GAMT: variants seen among roughly 807,000 people sequenced by gnomAD.
GAMT encodes the protein epididymis secretory protein Li 20.
In GAMT, 26 loss-of-function variants were observed where a neutral mutation model predicts 26.9. The ratio of observed to expected loss-of-function variants is 0.97; its 90% confidence interval spans 0.71 to 1.34. The LOEUF (loss-of-function observed/expected upper bound fraction) is 1.34, where lower values mean the gene tolerates loss of function less well. GAMT is among the 40% of genes most tolerant of loss of function. The pLI is 0.00. For missense variants in GAMT, 412 were observed against 345.0 expected (o/e 1.19, Z -1.54); for synonymous variants, 169 against 149.6 (o/e 1.13, Z -0.95).
In GAMT at chr19:1,399,177, T is replaced by G. The variant is rs1131691930; in HGVS notation, c.410A>C (p.Tyr137Ser). Residue 137 changes from tyrosine to serine, a missense_variant, in exon 4 of 6, where the codon TAC (tyrosine) becomes TCC (serine). Tyr to Ser is a moderately radical substitution (Grantham distance 144). Coordinates refer to ENST00000252288, the MANE Select transcript of GAMT (RefSeq NM_000156.6). This position sits in a 1 kb window ranked among gnomAD's most constrained non-coding sequence, Gnocchi z 6.2. ...GHFDGILYDT[Y>S]PLSEETWHTH... ...GTGCCAGGTCTCCTCCGAGAGTGGG[T>G]ACGTGTCGTACAGGATCCCTGCACG... 4 of 1,613,322 alleles carry G rather than the reference T, an allele frequency of 2.5e-6. No homozygotes were observed. The highest frequency in any genetic ancestry group is 1.3e-5 in the African/African-American group (1 of 74,840).
chr19:1,399,315 G>A lies in GAMT; in HGVS notation c.392-120C>T, dbSNP rs181832825. The A allele has an allele frequency of 5.0e-6, 6 of 1,210,148 alleles. No individual in the cohort carries two copies. The highest frequency in any genetic ancestry group is 3.0e-5 in the African/African-American group (2 of 66,792). The allele number at this position is 1,210,148 out of a possible 1,614,324, so 75.0% of individuals were successfully genotyped here. ...AGACGGGGCCGTGGGTAGAGGTGGG[G>A]CTCCCACACAGGCTTGAGAACCCCG... On this transcript the variant is annotated intron_variant, in intron 3 of 5. Transcript: ENST00000252288. The surrounding 1 kb of genome is among the most constrained non-coding windows in gnomAD (Gnocchi z 6.2).
In GAMT at chr19:1,401,459, C is replaced by T; in HGVS notation, c.18G>A (p.Ala6=). 1 of 1,389,286 alleles carries T rather than the reference C, an allele frequency of 7.2e-7. No individual in the cohort carries two copies. Among genetic ancestry groups the T allele is most frequent in the Non-Finnish European group, 9.3e-7 (1 of 1,070,952 alleles). The allele number at this position is 1,389,286 out of a possible 1,614,324, so 86.1% of individuals were successfully genotyped here. Residue 6 remains alanine, a synonymous_variant, in exon 1 of 6, where the codon GCG becomes GCA. Coordinates refer to ENST00000252288, the MANE Select transcript of GAMT (RefSeq NM_000156.6). MSAPS[A]TPIFAPGENC... ...TCTCGCCGGGCGCGAAGATGGGGGTCGCGCTGGGGGCGCTCATGCTGCAGG... is the reference window on the plus strand; with the variant it reads ...TCTCGCCGGGCGCGAAGATGGGGGTTGCGCTGGGGGCGCTCATGCTGCAGG...
chr19:1,397,972 A>G, intron 5 of GAMT: 5 of 1,039,228 alleles, frequency 4.8e-6, no homozygotes, highest in Non-Finnish European at 4.6e-6. Flanking sequence ...GCACTGCTGA[A>G]CCAGCAAAGA....
chr19:1,398,744 G>A, intron 5 of GAMT, 172 bp downstream of exon 5: 2 of 1,546,410 alleles, frequency 1.3e-6, no homozygotes, highest in African/African-American at 1.4e-5. Flanking sequence ...GCTCCTGGCA[G>A]CCACTGCGCC....
At chr19:1,397,871 C>T in intron 5 of GAMT, 19 of 1,134,282 alleles carry the variant, frequency 1.7e-5, no homozygotes, top group Non-Finnish European at 2.1e-5. Context: ...CACAGGCACC[C>T]AGCCGGCTCT....
chr19:1,397,616 C>G, intron 5 of GAMT, 117 bp from the exon 6 acceptor site: 1 of 1,497,904 alleles, frequency 6.7e-7, no homozygotes, highest in Non-Finnish European at 9.1e-7. Context: ...GCGGCTGCAG[C>G]TCCCGTGGGC....
chr19:1,400,133 A>G (rs997762341), intron 1 of GAMT, among the ~76,000 whole-genome samples, 195 bp from the exon 2 acceptor site: 1 of 49,904 alleles, frequency 2.0e-5, no homozygotes, highest in Admixed American at 2.2e-4. Flanking sequence ...GTGTGGGGCA[A>G]TGCTGGGGAG....
chr19:1,398,988 G>C lies in GAMT; in HGVS notation c.498C>G (p.Leu166=). Residue 166 remains leucine (L), a synonymous_variant, in exon 5 of 6, where the codon CTC becomes CTG. Transcript: ENST00000252288. ...AFRLLKPGGV[L]TYCNLTSWGE... ...CCCAGGAGGTGAGGTTGCAGTAGGT[G>C]AGGACGCCCCCCGGCTTCAGCAGGC... is the stretch of plus-strand genomic sequence containing the variant. 6.2e-7 allele frequency: 1 copy of C among 1,613,508 alleles called. No homozygotes were observed. The highest frequency in any genetic ancestry group is 8.5e-7 in the Non-Finnish European group (1 of 1,180,024).
rs1159169641 is a variant in GAMT, at chr19:1,399,389, G to A, written c.391+135C>T. ...TGAGCATGCCCATCCCCGGTGCTCC[G>A]CCATCCCACAGCCAGGCCCACACCC... On this transcript the variant is annotated intron_variant, in intron 3 of 5. Transcript: ENST00000252288. This position sits in a 1 kb window ranked among gnomAD's most constrained non-coding sequence, Gnocchi z 6.2. 7 of 1,038,894 alleles carry A rather than the reference G, an allele frequency of 6.7e-6. No homozygotes were observed. Among genetic ancestry groups the A allele is most frequent in the Non-Finnish European group, 8.7e-6 (6 of 689,564 alleles). 64.4% of individuals were successfully genotyped at this position (1,038,894 alleles called of 1,614,324 possible). A position where few individuals can be genotyped will look rare whatever the true frequency, so the allele number is the denominator to read the frequency against.
chr19:1,397,368 G>C lies in GAMT; in HGVS notation c.702C>G (p.Thr234=), dbSNP rs1375010161. Residue 234 remains threonine (T), a synonymous_variant, in exon 6 of 6, where the codon ACC becomes ACG. Coordinates refer to ENST00000252288, the MANE Select transcript of GAMT (RefSeq NM_000156.6). The stretch of plus-strand genomic sequence containing the variant: ...GGGCCGGGGTGGGGGCTCAGCCTTT[G>C]GTCACCAGGGGCGTGATCATCTGTG... ...AFPQMITPLV[T]KG The C allele has an allele frequency of 2.5e-6, 4 of 1,611,492 alleles. No homozygotes were observed. Among genetic ancestry groups the C allele is most frequent in the African/African-American group, 1.3e-5 (1 of 74,908 alleles).
At chr19:1,397,629 G>A (rs2082608470) in intron 5 of GAMT, 130 bp from the exon 6 acceptor site, 12 of 1,454,364 alleles carry the variant, frequency 8.3e-6, no homozygotes, top group African/African-American at 1.4e-5. Flanking sequence ...CCGTGGGCAC[G>A]TGGCAGGGCA....
At position 1,399,185 on chromosome 19, in the gene GAMT, G is replaced by A. The variant is rs556829801; in HGVS notation, c.402C>T (p.Tyr134=). The A allele has an allele frequency of 1.9e-5, 31 of 1,613,606 alleles. No individual in the cohort carries two copies. The highest frequency in any genetic ancestry group is 3.3e-4 in the Middle Eastern group (2 of 6,062). Residue 134 remains tyrosine, a synonymous_variant, in exon 4 of 6, where the codon TAC becomes TAT. Transcript: ENST00000252288. This position sits in a 1 kb window ranked among gnomAD's most constrained non-coding sequence, Gnocchi z 6.2. Reference sequence around the variant, plus strand: ...TCTCCTCCGAGAGTGGGTACGTGTCGTACAGGATCCCTGCACGGAGAACAG... The same window carrying A: ...TCTCCTCCGAGAGTGGGTACGTGTCATACAGGATCCCTGCACGGAGAACAG... ...LPDGHFDGIL[Y]DTYPLSEETW...
Position 1,397,165 on chromosome 19 carries a change from A to T in GAMT, c.*194T>A. 2 of 674,652 alleles carry T rather than the reference A, an allele frequency of 3.0e-6. No homozygotes were observed. The highest frequency in any genetic ancestry group is 1.9e-5 in the South Asian group (1 of 52,650). 41.8% of individuals were successfully genotyped at this position (674,652 alleles called of 1,614,324 possible). A position where few individuals can be genotyped will look rare whatever the true frequency, so the allele number is the denominator to read the frequency against. Reference sequence around the variant, plus strand: ...CCTGCAGTGGGCAGCAGTGACCCTCACAGAGAAGCTGGGAAAGCTGCTGGT... The same window carrying T: ...CCTGCAGTGGGCAGCAGTGACCCTCTCAGAGAAGCTGGGAAAGCTGCTGGT... On this transcript the variant is annotated 3_prime_UTR_variant, in exon 6 of 6. Coordinates refer to ENST00000252288, the MANE Select transcript of GAMT (RefSeq NM_000156.6).
chr19:1,399,679 G>A lies in GAMT; in HGVS notation c.328-92C>T, dbSNP rs539506510. 23 of 1,522,792 alleles carry A rather than the reference G, an allele frequency of 1.5e-5. No individual in the cohort carries two copies. Among genetic ancestry groups the A allele is most frequent in the African/African-American group, 8.2e-5 (6 of 72,762 alleles). 94.3% of individuals were successfully genotyped at this position (1,522,792 alleles called of 1,614,324 possible). ...AAAGGGAGCGGCCAGGGGGACTCCC[G>A]AGAGAGAAGACCACCTCCTCCACCT... On this transcript the variant is annotated intron_variant, in intron 2 of 5. Coordinates refer to ENST00000252288, the MANE Select transcript of GAMT (RefSeq NM_000156.6). The surrounding 1 kb of genome is among the most constrained non-coding windows in gnomAD (Gnocchi z 6.2).
chr19:1,397,929 C>T (rs992507822), intron 5 of GAMT: 21 of 1,075,362 alleles, frequency 2.0e-5, no homozygotes, highest in African/African-American at 3.3e-5. Context: ...TCAGATAGGC[C>T]GCCTCCACCA....
intron 5 of GAMT, 92 bp downstream of exon 5, chr19:1,398,800 ACCCAGGGGGTCAGGAAGGGACCCT>A: frequency 6.4e-7 from 1 of 1,556,996 alleles, no homozygotes; most frequent in Non-Finnish European, 8.7e-7. Context: ...AGTCCAGCCC[ACCCAGGGGGTCAGGAAGGGACCCT>A]CCCCAGGTAG....
intron 5 of GAMT, 48 bp downstream of exon 5, chr19:1,398,868 T>C (rs2082616129): frequency 1.2e-5 from 20 of 1,608,166 alleles, no homozygotes; most frequent in Non-Finnish European, 1.6e-5. Context: ...CCCACCCCCA[T>C]CCAAGGTCAC....
At chr19:1,398,677 C>T in intron 5 of GAMT, 1 of 1,432,866 alleles carries the variant, frequency 7.0e-7, no homozygotes, top group Non-Finnish European at 9.5e-7. Context: ...CTCCTAGGCT[C>T]AAGCAATCTG....
chr19:1,399,439 A>T lies in GAMT; in HGVS notation c.391+85T>A. ...CACTTGGGCTCTGTCCCCCCAGTGC[A>T]CATCAGAGGGACCCCCACAAGCAAA... On this transcript the variant is annotated intron_variant, in intron 3 of 5. Transcript: ENST00000252288. The surrounding 1 kb of genome is among the most constrained non-coding windows in gnomAD (Gnocchi z 6.2). 1 of 1,297,456 alleles carries T rather than the reference A, an allele frequency of 7.7e-7. No individual in the cohort carries two copies. 80.4% of individuals were successfully genotyped at this position (1,297,456 alleles called of 1,614,324 possible).
Sources: gnomAD v4.1 joint callset for allele counts (sites outside exome capture counted in the v4.1 genomes callset) on GRCh38, gnomAD v4.1.1 for gene constraint, Gnocchi (gnomAD v3.1) non-coding constraint, MANE v1.5 for transcripts, NCBI Gene and HGNC (gene_info 2026-07-23, HGNC 2026-07-21) for gene names.